The following MPP7 variants were observed in gnomAD, a reference collection of about 807,000 sequenced individuals.
The protein encoded by MPP7 is MAGUK p55 scaffold protein 7, also known as MAGUK p55 subfamily member 7.
In MPP7, 60 loss-of-function variants were observed where a neutral mutation model predicts 76.5. The observed-to-expected ratio is 0.78, with a 90% CI of 0.64 to 0.97. MPP7 has a LOEUF of 0.97. MPP7 is among the 50% of genes least tolerant of loss of function. MPP7 has a pLI of 0.00. For synonymous variants in MPP7, 237 were observed against 244.5 expected (o/e 0.97, Z 0.29); for missense variants, 641 against 694.0 (o/e 0.92, Z 0.86).
Position 28,238,652 on chromosome 10 carries a change from G to A in MPP7, c.-48C>T. On this transcript the variant is annotated 5_prime_UTR_variant, in exon 2 of 17. Coordinates refer to ENST00000683449, the MANE Select transcript of MPP7 (RefSeq NM_001318170.2). ...CAGCCCACCGCTCTCCGGACACCCT[G>A]CCTTCGGACAGCCACAGGGAATTCC... 6.2e-7 allele frequency: 1 copy of A among 1,605,608 alleles called. No homozygotes were observed. The highest frequency in any genetic ancestry group is 1.1e-5 in the South Asian group (1 of 90,846).
At chr10:28,059,405 C>A in intron 14 of MPP7, 1 of 371,576 alleles carries the variant, frequency 2.7e-6, no homozygotes, top group African/African-American at 2.1e-5. Flanking sequence ...CACTTGCAAC[C>A]TTCCCTCATT....
chr10:28,296,169 A>G (rs1841031379), intron 1 of MPP7, among the ~76,000 whole-genome samples: 3 of 151,962 alleles, frequency 2.0e-5, no homozygotes, highest in African/African-American at 7.3e-5. Flanking sequence ...GGTAAAGAAA[A>G]CTCTAGGAAG....
chr10:28,314,227 G>A (rs191748194), intron 2 of MPP7, among the ~76,000 whole-genome samples: 11 of 152,274 alleles, frequency 7.2e-5, no homozygotes, highest in Admixed American at 1.3e-4. Context: ...GTGGGTTCTG[G>A]ATTGGTGGGA....
upstream of MPP7, chr10:28,303,535 A>G (rs1161547505): frequency 1.3e-5 from 2 of 152,206 alleles, no homozygotes; most frequent in Admixed American, 6.5e-5. Flanking sequence ...AATGCTGCAT[A>G]AGATTGAGAG....
chr10:28,297,419 C>A (rs1841059299), intron 1 of MPP7, among the ~76,000 whole-genome samples: 1 of 152,112 alleles, frequency 6.6e-6, no homozygotes, highest in Non-Finnish European at 1.5e-5. Context: ...AACAATAAGG[C>A]CGGGCGCTGT....
intron 1 of MPP7, among the ~76,000 whole-genome samples, chr10:28,261,101 T>A (rs11006965): frequency 6.6e-6 from 1 of 152,006 alleles, no homozygotes; most frequent in Admixed American, 6.5e-5. Context: ...CTAAGAAAAA[T>A]TGCTCTTTAT....
intron 2 of MPP7, among the ~76,000 whole-genome samples, chr10:28,229,440 T>G (rs1166728681): frequency 6.6e-6 from 1 of 152,230 alleles, no homozygotes; most frequent in East Asian, 1.9e-4. Flanking sequence ...AGAGACAGTT[T>G]GATAGCAGTA....
intron 1 of MPP7, among the ~76,000 whole-genome samples, chr10:28,294,391 T>C (rs1282434815): frequency 2.0e-5 from 3 of 152,136 alleles, no homozygotes; most frequent in African/African-American, 7.2e-5. Flanking sequence ...TTCAGGTACT[T>C]CCTGTCATTC....
At chr10:28,058,033 T>C (rs945898631) in intron 15 of MPP7, among the ~76,000 whole-genome samples, 1 of 152,162 alleles carries the variant, frequency 6.6e-6, no homozygotes, top group Non-Finnish European at 1.5e-5. Context: ...TCCTGCAAAA[T>C]GCCCTTCAGT....
intron 2 of MPP7, among the ~76,000 whole-genome samples, chr10:28,233,544 T>TAA (rs75116907): frequency 2.1e-5 from 3 of 145,614 alleles, no homozygotes; most frequent in Admixed American, 1.4e-4. Flanking sequence ...CCGTCTCTAT[T>TAA]AAAAAAAAAC....
At chr10:28,293,043 T>TAA (rs56883523) in intron 1 of MPP7, among the ~76,000 whole-genome samples, 6 of 122,382 alleles carry the variant, frequency 4.9e-5, no homozygotes, top group African/African-American at 1.2e-4. Flanking sequence ...CCCAGAAGGT[T>TAA]AAAAAAAAAA....
rs375239583 is a variant in MPP7, at chr10:28,089,624, C to T, written c.1123+47G>A. 10 of 1,544,618 alleles carry T rather than the reference C, an allele frequency of 6.5e-6. No individual in the cohort carries two copies. The African/African-American group carries it at 6.8e-5, about 11-fold the overall frequency. ...GATTCACTTTGAAGAGAAATTCTTA[C>T]TAGCTCACTCATTTCCTCAGAATTA... On this transcript the variant is annotated intron_variant, in intron 12 of 16. Transcript: ENST00000683449.
chr10:28,187,892 A>G (rs998176129), intron 3 of MPP7, among the ~76,000 whole-genome samples: 2 of 152,212 alleles, frequency 1.3e-5, no homozygotes, highest in African/African-American at 4.8e-5. Flanking sequence ...ACTACTTTCT[A>G]TGCAAATCTC....
intron 15 of MPP7, chr10:28,057,867 T>C (rs146883805): frequency 0.018 from 21,547 of 1,222,954 alleles, 227 homozygotes; most frequent in Non-Finnish European, 0.02. Flanking sequence ...ATGAGGAAAA[T>C]GCTGTGGGCT....
At chr10:28,263,415 T>A (rs1487404429) in intron 1 of MPP7, among the ~76,000 whole-genome samples, 2 of 152,158 alleles carry the variant, frequency 1.3e-5, no homozygotes, top group African/African-American at 4.8e-5. Flanking sequence ...GGTGGGGTAT[T>A]ACAGAAGGGA....
Position 28,083,190 on chromosome 10 carries a change from G to T in MPP7, c.1123+6481C>A, listed in dbSNP as rs530349381. 5.3e-5 allele frequency among the ~76,000 whole-genome samples: 8 copies of T among 152,272 alleles called. No individual in the cohort carries two copies. In the South Asian group the frequency reaches 1.0e-3, roughly 20 times the overall value. ...AGATGGGGATTTCTCCACGTAACAG[G>T]CTCTAAGCTTCTGATACTTCCAATG... On this transcript the variant is annotated intron_variant, in intron 12 of 16. Transcript: ENST00000683449.
intron 11 of MPP7, among the ~76,000 whole-genome samples, chr10:28,098,185 T>C (rs1291358662): frequency 6.6e-6 from 1 of 152,032 alleles, no homozygotes; most frequent in Non-Finnish European, 1.5e-5. Flanking sequence ...AACTTGGAAG[T>C]AACCAAGATA....
intron 3 of MPP7, among the ~76,000 whole-genome samples, chr10:28,174,248 G>A (rs2133879832): frequency 6.6e-6 from 1 of 151,954 alleles, no homozygotes; most frequent in South Asian, 2.1e-4. Flanking sequence ...TGGATATGGG[G>A]AGCCTTTTGG....
intron 2 of MPP7, among the ~76,000 whole-genome samples, chr10:28,219,357 T>C (rs550015879): frequency 4.6e-5 from 7 of 152,206 alleles, no homozygotes; most frequent in Admixed American, 2.0e-4. Flanking sequence ...AGAGAATAAA[T>C]GGCTCAGAAT....
Sources: allele counts gnomAD v4.1 joint callset (sites outside exome capture counted in the v4.1 genomes callset), GRCh38; gene constraint gnomAD v4.1.1; transcripts MANE v1.5; gene names NCBI Gene and HGNC (gene_info 2026-07-23, HGNC 2026-07-21).